The following RIMBP2 variants were observed in gnomAD, a reference collection of about 807,000 sequenced individuals.
The protein encoded by RIMBP2 is RIMS binding protein 2.
In RIMBP2, 48 loss-of-function variants were observed where a neutral mutation model predicts 118.6. That is an observed-to-expected ratio of 0.40 (90% CI 0.32 to 0.51). The LOEUF is 0.51. Ranked by LOEUF, RIMBP2 falls within the 20% of genes least tolerant of loss-of-function variation. The pLI is 0.41. For synonymous variants in RIMBP2, 762 were observed against 742.9 expected (o/e 1.03, Z -0.42); for missense variants, 1,551 against 1,768.3 (o/e 0.88, Z 2.20).
chr12:130,445,092 T>TG (rs2078417299), intron 10 of RIMBP2, 68 bp downstream of exon 10: 1 of 1,021,124 alleles, frequency 9.8e-7, no homozygotes, highest in African/African-American at 1.6e-5. Context: ...ATCAGGCCCC[T>TG]GGAAGAGGTG....
intron 1 of RIMBP2, among the ~76,000 whole-genome samples, chr12:130,707,831 A>T (rs1209145063): frequency 2.6e-5 from 4 of 152,160 alleles, no homozygotes; most frequent in Admixed American, 2.0e-4. Context: ...GGCGGATATT[A>T]GTGGATCACA....
chr12:130,714,390 C>T (rs1281289987), intron 1 of RIMBP2, among the ~76,000 whole-genome samples: 1 of 152,230 alleles, frequency 6.6e-6, no homozygotes, highest in Non-Finnish European at 1.5e-5. Flanking sequence ...CCGGACTCTG[C>T]AGGCTTGGGG....
At chr12:130,650,334 C>G (rs996354269) in intron 1 of RIMBP2, among the ~76,000 whole-genome samples, 7 of 152,248 alleles carry the variant, frequency 4.6e-5, no homozygotes, top group African/African-American at 1.4e-4. Context: ...AAACGTGCTG[C>G]CAGCTCCCAG....
chr12:130,500,329 G>T (rs181060609), intron 4 of RIMBP2, among the ~76,000 whole-genome samples: 5 of 152,160 alleles, frequency 3.3e-5, no homozygotes, highest in Admixed American at 1.3e-4. Context: ...GTGGTGGCAG[G>T]CCCCTGTAAT....
At chr12:130,614,982 A>G (rs1483558983) in intron 2 of RIMBP2, among the ~76,000 whole-genome samples, 3 of 149,420 alleles carry the variant, frequency 2.0e-5, no homozygotes, top group African/African-American at 4.9e-5. Context: ...TAGGTATGAA[A>G]TAGGACAGCT....
chr12:130,417,905 A>C (rs1386848200), intron 17 of RIMBP2, among the ~76,000 whole-genome samples: 1 of 152,142 alleles, frequency 6.6e-6, no homozygotes, highest in African/African-American at 2.4e-5. Context: ...TGGTCTGATC[A>C]TGGGAGGTGG....
rs1320080146 is a variant in RIMBP2, at chr12:130,419,590, A to G, written c.3238+2863T>C. The G allele has an allele frequency of 6.6e-6, 1 of 152,228 alleles. No individual in the cohort carries two copies. Among genetic ancestry groups the G allele is most frequent in the Non-Finnish European group, 1.5e-5 (1 of 68,046 alleles). 9.4% of individuals were successfully genotyped at this position (152,228 alleles called of 1,614,324 possible). ...AAAAGAGCTCCCCTTTTTAAGGGGC[A>G]AAGCTTTGTCAATAGAGTTACTAAT... On this transcript the variant is annotated intron_variant, in intron 17 of 22. Coordinates refer to ENST00000690449, the MANE Select transcript of RIMBP2 (RefSeq NM_001393629.1). The surrounding 1 kb of genome is among the most constrained non-coding windows in gnomAD (Gnocchi z 4.3).
At chr12:130,658,971 A>C (rs2063541176) in intron 1 of RIMBP2, among the ~76,000 whole-genome samples, 1 of 151,578 alleles carries the variant, frequency 6.6e-6, no homozygotes, top group African/African-American at 2.4e-5. Flanking sequence ...CCCTTCCTCC[A>C]CCATGCCAAC....
chr12:130,633,673 A>C (rs903811341), intron 1 of RIMBP2: 4 of 152,096 alleles, frequency 2.6e-5, no homozygotes, highest in African/African-American at 9.7e-5. Context: ...GCCTCTTCCC[A>C]CCTCTCAGCC....
chr12:130,663,276 A>G (rs541787326), intron 1 of RIMBP2, among the ~76,000 whole-genome samples: 45 of 152,246 alleles, frequency 3.0e-4, no homozygotes, highest in African/African-American at 1.1e-3. Context: ...GACAGAGAGG[A>G]GACAGCCCTG....
intron 2 of RIMBP2, among the ~76,000 whole-genome samples, chr12:130,551,085 A>G (rs2055731853): frequency 6.6e-6 from 1 of 152,184 alleles, no homozygotes; most frequent in African/African-American, 2.4e-5. Flanking sequence ...GTCTATGTTC[A>G]TTATTGATTG....
chr12:130,682,850 G>C (rs548252937), intron 1 of RIMBP2, among the ~76,000 whole-genome samples: 1 of 152,364 alleles, frequency 6.6e-6, no homozygotes, highest in South Asian at 2.1e-4. Flanking sequence ...ACAGGAGTCT[G>C]AAATTTCTAA....
rs574233220 is a variant in RIMBP2 at position 130,565,191 on chromosome 12, T to G, written c.-216-47274A>C. On this transcript the variant is annotated intron_variant, in intron 2 of 22. Transcript: ENST00000690449. ...AGTGCATGGTGTGATCATGGCTCAC[T>G]GCAGCCTTGACCTCCCAAGTTCAGA... Among the ~76,000 whole-genome samples, 5 of 152,308 alleles carry G rather than the reference T, an allele frequency of 3.3e-5. No homozygotes were observed. In the South Asian group the frequency reaches 1.0e-3, roughly 32 times the overall value.
intron 1 of RIMBP2, among the ~76,000 whole-genome samples, chr12:130,685,791 C>A (rs2065012245): frequency 1.3e-5 from 2 of 152,318 alleles, no homozygotes; most frequent in South Asian, 2.1e-4. Flanking sequence ...TTACCTATGA[C>A]AAGGCCAGAC....
chr12:130,715,008 C>G (rs1223810195), intron 1 of RIMBP2, among the ~76,000 whole-genome samples: 1 of 152,228 alleles, frequency 6.6e-6, no homozygotes, highest in Admixed American at 6.5e-5. Context: ...CCTGCCCACT[C>G]CTGCTCAGAG....
chr12:130,494,150 C>T (rs905208052), intron 4 of RIMBP2, among the ~76,000 whole-genome samples: 1 of 152,166 alleles, frequency 6.6e-6, no homozygotes, highest in Non-Finnish European at 1.5e-5. Context: ...ACAGAGCGCT[C>T]ATTCTGTATC....
At position 130,441,864 on chromosome 12, in the gene RIMBP2, G is replaced by A; in HGVS notation, c.1488C>T (p.Phe496=). The change falls in exon 11 of 23, where the codon TTC becomes TTT. Residue 496 remains phenylalanine (F), a synonymous_variant. Coordinates refer to ENST00000690449, the MANE Select transcript of RIMBP2 (RefSeq NM_001393629.1). ...QREKKEAFVE[F]STLPAGPPAP... is the part of the protein sequence containing the mutation. The stretch of plus-strand genomic sequence containing the variant: ...AGGGCTCACCTGCAGGCAACGTGGA[G>A]AACTCCACAAAGGCCTCCTTCTTCT... 7.4e-6 allele frequency: 12 copies of A among 1,613,706 alleles called. No homozygotes were observed. The highest frequency in any genetic ancestry group is 1.0e-5 in the Non-Finnish European group (12 of 1,180,000).
intron 2 of RIMBP2, among the ~76,000 whole-genome samples, chr12:130,575,381 A>G (rs747052442): frequency 2.0e-5 from 3 of 151,880 alleles, no homozygotes; most frequent in Non-Finnish European, 4.4e-5. Flanking sequence ...CTATGGTGTG[A>G]GTTAAACTCT....
intron 2 of RIMBP2, among the ~76,000 whole-genome samples, chr12:130,563,290 C>A (rs1387676555): frequency 6.6e-6 from 1 of 152,192 alleles, no homozygotes; most frequent in African/African-American, 2.4e-5. Flanking sequence ...CCCTGCCAAG[C>A]CTCTTCCTCA....
Sources: gnomAD v4.1 joint callset for allele counts (sites outside exome capture counted in the v4.1 genomes callset) on GRCh38, gnomAD v4.1.1 for gene constraint, Gnocchi (gnomAD v3.1) non-coding constraint, MANE v1.5 for transcripts, NCBI Gene and HGNC (gene_info 2026-07-23, HGNC 2026-07-21) for gene names.